Variants in GALNT17 observed in about 807,000 individuals in gnomAD.
GALNT17 encodes UDP-GalNAc:polypeptide N-acetylgalactosaminyltransferase-like 3.
GALNT17 carries 29 observed loss-of-function variants against 63.7 expected under a neutral mutation model. The observed-to-expected ratio is 0.46, with a 90% CI of 0.34 to 0.62. GALNT17 has a LOEUF of 0.62. GALNT17 is among the 20% of genes least tolerant of loss of function. The pLI, the probability that GALNT17 is intolerant of heterozygous loss-of-function variation, is 0.01. For synonymous variants in GALNT17, 305 were observed against 318.3 expected (o/e 0.96, Z 0.45); for missense variants, 603 against 799.6 (o/e 0.75, Z 2.97).
At chr7:71,185,317 C>T (rs1014990547) in intron 1 of GALNT17, among the ~76,000 whole-genome samples, 1 of 151,300 alleles carries the variant, frequency 6.6e-6, no homozygotes, top group Non-Finnish European at 1.5e-5. Context: ...GTGATCCCCC[C>T]ACCTCAGCCT....
chr7:71,693,176 TA>T (rs1396809060), intron 9 of GALNT17, among the ~76,000 whole-genome samples: 2 of 149,636 alleles, frequency 1.3e-5, no homozygotes, highest in African/African-American at 4.9e-5. Flanking sequence ...TATACTATAA[TA>T]TAAATAGTGT....
At chr7:71,290,973 A>G (rs1790969580) in intron 1 of GALNT17, among the ~76,000 whole-genome samples, 2 of 152,312 alleles carry the variant, frequency 1.3e-5, no homozygotes, top group African/African-American at 4.8e-5. Flanking sequence ...GTGAGTTGGA[A>G]TAGTGGATCT....
chr7:71,490,754 G>A (rs932398723), intron 5 of GALNT17, among the ~76,000 whole-genome samples: 10 of 152,018 alleles, frequency 6.6e-5, no homozygotes, highest in Admixed American at 2.0e-4. Context: ...AAACAAATTA[G>A]CCAGGCAAGG....
chr7:71,275,827 T>TC (rs1790672510), intron 1 of GALNT17, among the ~76,000 whole-genome samples: 1 of 152,150 alleles, frequency 6.6e-6, no homozygotes, highest in South Asian at 2.1e-4. Context: ...GAAGCTCCCT[T>TC]CCCCACAAGT....
chr7:71,236,048 G>A (rs1190726149), intron 1 of GALNT17, among the ~76,000 whole-genome samples: 1 of 152,132 alleles, frequency 6.6e-6, no homozygotes, highest in African/African-American at 2.4e-5. Context: ...GGGCGTGGTG[G>A]CAGGCACCTG....
chr7:71,711,957 C>A, intron 10 of GALNT17, 61 bp from the exon 11 acceptor site: 1 of 1,567,444 alleles, frequency 6.4e-7, no homozygotes, highest in Non-Finnish European at 8.8e-7. Flanking sequence ...CTCTCTATAT[C>A]TCTCGCTGTC....
chr7:71,371,936 C>T (rs1423733633), intron 2 of GALNT17, among the ~76,000 whole-genome samples: 1 of 152,086 alleles, frequency 6.6e-6, no homozygotes, highest in Non-Finnish European at 1.5e-5. Flanking sequence ...TGCCAGTTGG[C>T]TTGTTCTGGA....
intron 6 of GALNT17, among the ~76,000 whole-genome samples, chr7:71,578,288 G>A (rs370361392): frequency 7.2e-5 from 11 of 151,868 alleles, no homozygotes; most frequent in South Asian, 6.3e-4. Context: ...CACCCACCTC[G>A]GCCTCCCAAA....
intron 2 of GALNT17, among the ~76,000 whole-genome samples, chr7:71,344,979 G>T (rs887560765): frequency 6.6e-6 from 1 of 151,862 alleles, no homozygotes; most frequent in Non-Finnish European, 1.5e-5. Context: ...AGCTCTGCTT[G>T]TCCGGCGTTT....
chr7:71,702,586 C>T (rs1791667652), intron 9 of GALNT17, among the ~76,000 whole-genome samples: 1 of 151,990 alleles, frequency 6.6e-6, no homozygotes, highest in Non-Finnish European at 1.5e-5. Context: ...GATGGCACAC[C>T]CTGACTCCAA....
intron 6 of GALNT17, among the ~76,000 whole-genome samples, chr7:71,578,287 C>G (rs906460928): frequency 6.6e-6 from 1 of 152,048 alleles, no homozygotes; most frequent in Non-Finnish European, 1.5e-5. Flanking sequence ...CCACCCACCT[C>G]GGCCTCCCAA....
chr7:71,283,544 C>T (rs1232371364), intron 1 of GALNT17, among the ~76,000 whole-genome samples: 2 of 152,190 alleles, frequency 1.3e-5, no homozygotes, highest in Non-Finnish European at 2.9e-5. Flanking sequence ...AGTGGACACT[C>T]AGGTAAGATT....
intron 6 of GALNT17, among the ~76,000 whole-genome samples, chr7:71,648,043 C>CA (rs1790705139): frequency 6.6e-6 from 1 of 152,206 alleles, no homozygotes; most frequent in Non-Finnish European, 1.5e-5. Context: ...TCTGGGTCCT[C>CA]ACAGTCATTA....
intron 5 of GALNT17, among the ~76,000 whole-genome samples, chr7:71,521,618 T>G (rs1788532604): frequency 6.6e-6 from 1 of 152,192 alleles, no homozygotes; most frequent in Admixed American, 6.5e-5. Context: ...AGCTGTCGAC[T>G]TACACTGCTC....
At chr7:71,408,940 T>C (rs1453775188) in intron 3 of GALNT17, among the ~76,000 whole-genome samples, 3 of 151,194 alleles carry the variant, frequency 2.0e-5, no homozygotes, top group African/African-American at 2.4e-5. Flanking sequence ...ATATGTATTT[T>C]ATATATATAT....
At chr7:71,205,341 A>T (rs963176998) in intron 1 of GALNT17, among the ~76,000 whole-genome samples, 1 of 151,552 alleles carries the variant, frequency 6.6e-6, no homozygotes, top group Admixed American at 6.6e-5. Flanking sequence ...TTTGGTAGAG[A>T]CAGCATTCCA....
intron 5 of GALNT17, among the ~76,000 whole-genome samples, chr7:71,441,149 A>G: frequency 6.6e-6 from 1 of 152,036 alleles, no homozygotes; most frequent in East Asian, 1.9e-4. Context: ...CAGCCTCACA[A>G]GTAGCTGGGA....
At position 71,207,125 on chromosome 7, in the gene GALNT17, C is replaced by T. The variant is rs539358569; in HGVS notation, c.238+74085C>T. Among the ~76,000 whole-genome samples the T allele has an allele frequency of 7.3e-4, 111 of 151,802 alleles. 2 individuals are homozygous for T. Among genetic ancestry groups the T allele is most frequent in the Middle Eastern group, 3.4e-3 (1 of 292 alleles). The stretch of plus-strand genomic sequence containing the variant: ...TGTCTCAAAGAAAAAAAAAAAAGAC[C>T]GATCAGTAGCAGAATCAACCAGCCT... On this transcript the variant is annotated intron_variant, in intron 1 of 10. Transcript: ENST00000333538.
chr7:71,154,772 T>C (rs1317061511), intron 1 of GALNT17, among the ~76,000 whole-genome samples: 1 of 151,748 alleles, frequency 6.6e-6, no homozygotes, highest in Non-Finnish European at 1.5e-5. Context: ...GAGATGGGGT[T>C]TCACTGTCTT....
Sources: allele counts gnomAD v4.1 joint callset (sites outside exome capture counted in the v4.1 genomes callset), GRCh38; gene constraint gnomAD v4.1.1; transcripts MANE v1.5; gene names NCBI Gene and HGNC (gene_info 2026-07-23, HGNC 2026-07-21).